IPO11: variants seen among roughly 807,000 people sequenced by gnomAD.
The protein encoded by IPO11 is importin-11.
In IPO11, 66 loss-of-function variants were observed where a neutral mutation model predicts 143.2. That is an observed-to-expected ratio of 0.46 (90% CI 0.38 to 0.57). The LOEUF is 0.57. Ranked by LOEUF, IPO11 falls within the 20% of genes least tolerant of loss-of-function variation. The pLI is 0.00. For synonymous variants in IPO11, 385 were observed against 377.8 expected, an observed-to-expected ratio of 1.02 and a Z score of -0.22; for missense variants, 1,026 against 1,141.0, an observed-to-expected ratio of 0.90 and a Z score of 1.45.
intron 1 of IPO11, among the ~76,000 whole-genome samples, chr5:62,434,514 G>A (rs1744105005): frequency 1.3e-5 from 2 of 151,840 alleles, no homozygotes; most frequent in South Asian, 4.2e-4. Context: ...TGCCCAGGTG[G>A]GTCTTGAAGT....
intron 29 of IPO11, among the ~76,000 whole-genome samples, chr5:62,614,683 C>G (rs1224402333): frequency 6.6e-6 from 1 of 151,816 alleles, no homozygotes; most frequent in Non-Finnish European, 1.5e-5. Flanking sequence ...GAGGTGGTAG[C>G]CTGCAACTCC....
At chr5:62,449,333 G>T (rs938395204) in intron 3 of IPO11, among the ~76,000 whole-genome samples, 2 of 152,018 alleles carry the variant, frequency 1.3e-5, no homozygotes, top group Non-Finnish European at 2.9e-5. Context: ...TATTAGTATT[G>T]TGTTTATTCT....
intron 9 of IPO11, 119 bp downstream of exon 9, chr5:62,476,872 C>T (rs1369111315): frequency 9.0e-7 from 1 of 1,112,352 alleles, no homozygotes. Flanking sequence ...TATGTTCTGA[C>T]TCCTTATAGG....
chr5:62,498,597 A>C (rs1442073512), intron 16 of IPO11, among the ~76,000 whole-genome samples: 1 of 152,204 alleles, frequency 6.6e-6, no homozygotes, highest in Non-Finnish European at 1.5e-5. Context: ...GGAAGTTTTT[A>C]GGACGTCTTG....
chr5:62,579,681 A>G (rs1180440996), intron 27 of IPO11: 3 of 1,547,106 alleles, frequency 1.9e-6, no homozygotes, highest in Non-Finnish European at 2.6e-6. Flanking sequence ...GTGAATTAAC[A>G]GGACTTCATT....
chr5:62,626,036 C>CTT (rs34571348), intron 29 of IPO11, among the ~76,000 whole-genome samples: 1 of 149,370 alleles, frequency 6.7e-6, no homozygotes, highest in Admixed American at 6.7e-5. Flanking sequence ...TCTTCTTTTT[C>CTT]TTTTTTTTTT....
At chr5:62,617,031 A>G (rs996610471) in intron 29 of IPO11, among the ~76,000 whole-genome samples, 8 of 152,130 alleles carry the variant, frequency 5.3e-5, no homozygotes, top group Admixed American at 2.6e-4. Flanking sequence ...TCAGTCCTTC[A>G]CCTGATACTT....
intron 9 of IPO11, among the ~76,000 whole-genome samples, chr5:62,479,471 T>C (rs982486567): frequency 1.3e-5 from 2 of 152,208 alleles, no homozygotes; most frequent in Non-Finnish European, 2.9e-5. Flanking sequence ...GATGGCTGGG[T>C]CAAATGGTAT....
At chr5:62,512,173 G>T in intron 19 of IPO11, 1 of 1,156,090 alleles carries the variant, frequency 8.6e-7, no homozygotes, top group Non-Finnish European at 1.3e-6. Context: ...ACATAATAAT[G>T]TTATCAGAAA....
chr5:62,428,738 C>T (rs1176326991), intron 1 of IPO11, among the ~76,000 whole-genome samples: 1 of 152,116 alleles, frequency 6.6e-6, no homozygotes, highest in Non-Finnish European at 1.5e-5. Flanking sequence ...AGTCTTAGCT[C>T]ACTGCAAGTC....
At chr5:62,603,215 G>A (rs538041982) in intron 29 of IPO11, among the ~76,000 whole-genome samples, 1 of 152,338 alleles carries the variant, frequency 6.6e-6, no homozygotes, top group African/African-American at 2.4e-5. Context: ...ATTGAAGTAA[G>A]TGTGAGCTAT....
At chr5:62,590,860 A>G (rs1278963343) in intron 27 of IPO11, among the ~76,000 whole-genome samples, 1 of 152,062 alleles carries the variant, frequency 6.6e-6, no homozygotes, top group Non-Finnish European at 1.5e-5. Context: ...CTCACATGCC[A>G]TCTGTGTATC....
chr5:62,495,471 T>C (rs2112244813), intron 16 of IPO11, among the ~76,000 whole-genome samples: 1 of 152,284 alleles, frequency 6.6e-6, no homozygotes, highest in Middle Eastern at 3.4e-3. Context: ...TTGGAGTTTT[T>C]CTTTTTTCTG....
intron 26 of IPO11, among the ~76,000 whole-genome samples, chr5:62,559,377 A>T (rs1451290824): frequency 6.6e-6 from 1 of 152,180 alleles, no homozygotes; most frequent in Non-Finnish European, 1.5e-5. Context: ...TAACAAAATC[A>T]CTGAAACTTC....
intron 15 of IPO11, among the ~76,000 whole-genome samples, chr5:62,491,531 G>T (rs959222775): frequency 2.0e-5 from 3 of 152,064 alleles, no homozygotes; most frequent in Admixed American, 2.0e-4. Context: ...CTTGAAATGT[G>T]CTTAGTGCAA....
chr5:62,574,638 T>C (rs1744251935), intron 27 of IPO11, among the ~76,000 whole-genome samples: 1 of 152,208 alleles, frequency 6.6e-6, no homozygotes, highest in Admixed American at 6.5e-5. Flanking sequence ...TGTTTAATAG[T>C]TCTGCTTTCT....
intron 18 of IPO11, among the ~76,000 whole-genome samples, chr5:62,505,109 T>A (rs764758158): frequency 1.3e-5 from 2 of 152,200 alleles, no homozygotes; most frequent in Non-Finnish European, 2.9e-5. Flanking sequence ...TTCTGCTTAC[T>A]TTTGTTTAGC....
At chr5:62,415,464 CTTT>C (rs67290766) in intron 1 of IPO11, among the ~76,000 whole-genome samples, 3 of 101,278 alleles carry the variant, frequency 3.0e-5, no homozygotes, top group Non-Finnish European at 3.8e-5. Flanking sequence ...CCCGTCTTTA[CTTT>C]TTTTTTTTTT....
chr5:62,486,304 G>A (rs1434364272), intron 12 of IPO11, among the ~76,000 whole-genome samples: 2 of 151,886 alleles, frequency 1.3e-5, no homozygotes, highest in African/African-American at 4.8e-5. Flanking sequence ...ACTTGGGGTC[G>A]GAAAACAAAT....
Sources: allele counts gnomAD v4.1 joint callset (sites outside exome capture counted in the v4.1 genomes callset), GRCh38; gene constraint gnomAD v4.1.1; transcripts MANE v1.5; gene names NCBI Gene and HGNC (gene_info 2026-07-23, HGNC 2026-07-21).